Variants in DPP10 observed in about 807,000 individuals in gnomAD.
The protein encoded by DPP10 is dipeptidyl peptidase like 10.
In DPP10, 33 loss-of-function variants were observed where a neutral mutation model predicts 120.9. That is an observed-to-expected ratio of 0.27 (90% confidence interval 0.21 to 0.37). The LOEUF (loss-of-function observed/expected upper bound fraction) is 0.37, where lower values mean the gene tolerates loss of function less well. Among genes scored for constraint, DPP10 ranks in the 10% least tolerant of loss-of-function variants. The pLI is 1.00. For missense variants in DPP10, 816 were observed against 942.8 expected (o/e 0.87, Z 1.76); for synonymous variants, 337 against 326.1 (o/e 1.03, Z -0.36).
chr2:114,489,160 T>A (rs146764791), intron 1 of DPP10, among the ~76,000 whole-genome samples: 1 of 152,340 alleles, frequency 6.6e-6, no homozygotes, highest in East Asian at 1.9e-4. Flanking sequence ...CATGCCCGGA[T>A]CCCTTATGTA....
At chr2:115,522,801 G>T (rs916275994) in intron 4 of DPP10, among the ~76,000 whole-genome samples, 2 of 152,042 alleles carry the variant, frequency 1.3e-5, no homozygotes, top group African/African-American at 2.4e-5. Flanking sequence ...AAATATGAAG[G>T]TACTGTAATA....
intron 1 of DPP10, among the ~76,000 whole-genome samples, chr2:114,841,204 TA>T (rs1688130820): frequency 6.6e-6 from 1 of 152,192 alleles, no homozygotes; most frequent in Non-Finnish European, 1.5e-5. Flanking sequence ...GTCGTATGAC[TA>T]AATTAAAGTC....
chr2:115,589,556 C>G (rs1295920495), intron 5 of DPP10, among the ~76,000 whole-genome samples: 1 of 152,018 alleles, frequency 6.6e-6, no homozygotes, highest in East Asian at 1.9e-4. Context: ...CAATTTAAAT[C>G]TGGAAGAGCA....
intron 7 of DPP10, among the ~76,000 whole-genome samples, chr2:115,722,840 C>A (rs1484598302): frequency 6.6e-6 from 1 of 152,060 alleles, no homozygotes; most frequent in East Asian, 1.9e-4. Context: ...CTCTAGTGGT[C>A]CAGATAGAAG....
chr2:115,603,541 G>T lies in DPP10; in HGVS notation c.441+77569G>T, dbSNP rs1360906205. ...GCTGGAACTTGGCCTCTCCACTACTGTGTGTTTTCGTTGTTGTTGTTTTTT... is the reference window on the plus strand; with the variant it reads ...GCTGGAACTTGGCCTCTCCACTACTTTGTGTTTTCGTTGTTGTTGTTTTTT... On this transcript the variant is annotated intron_variant, in intron 5 of 25. Transcript: ENST00000410059. 2.9e-5 allele frequency among the ~76,000 whole-genome samples: 4 copies of T among 137,908 alleles called. No individual in the cohort carries two copies. In the Admixed American group the frequency reaches 3.0e-4, roughly 10 times the overall value. The allele number at this position is 137,908 out of a possible 152,430, so 90.5% of individuals were successfully genotyped here. A position where few individuals can be genotyped will look rare whatever the true frequency, so the allele number is the denominator to read the frequency against.
chr2:114,740,581 C>T (rs1479034677), intron 1 of DPP10, among the ~76,000 whole-genome samples: 1 of 152,154 alleles, frequency 6.6e-6, no homozygotes, highest in Non-Finnish European at 1.5e-5. Flanking sequence ...TATCTTGTTT[C>T]TATCCTTCGT....
At chr2:115,016,785 T>C (rs1019077091) in intron 1 of DPP10, among the ~76,000 whole-genome samples, 2 of 152,070 alleles carry the variant, frequency 1.3e-5, no homozygotes, top group African/African-American at 4.8e-5. Flanking sequence ...CTATTCACGA[T>C]GGCAAAGACT....
chr2:115,664,385 C>G (rs1301057236), intron 5 of DPP10, among the ~76,000 whole-genome samples: 1 of 151,934 alleles, frequency 6.6e-6, no homozygotes, highest in Non-Finnish European at 1.5e-5. Context: ...TCTGGAAAAT[C>G]TAAGTATGGA....
chr2:115,038,282 A>AT (rs1291730827), intron 1 of DPP10, among the ~76,000 whole-genome samples: 1 of 150,898 alleles, frequency 6.6e-6, no homozygotes, highest in East Asian at 1.9e-4. Context: ...TTATTTATTT[A>AT]TTTTTTGAGA....
chr2:115,692,228 G>A (rs2091357764), intron 7 of DPP10, among the ~76,000 whole-genome samples: 2 of 151,310 alleles, frequency 1.3e-5, no homozygotes, highest in Non-Finnish European at 3.0e-5. Flanking sequence ...TTTTTAGTTA[G>A]TTTTAGTTAG....
intron 3 of DPP10, among the ~76,000 whole-genome samples, chr2:115,454,622 G>A (rs1251118252): frequency 6.6e-6 from 1 of 151,690 alleles, no homozygotes; most frequent in African/African-American, 2.4e-5. Context: ...AATACTTAAT[G>A]GTAGAGAATG....
At chr2:115,606,253 C>A (rs1210417154) in intron 5 of DPP10, among the ~76,000 whole-genome samples, 5 of 152,054 alleles carry the variant, frequency 3.3e-5, no homozygotes, top group African/African-American at 1.2e-4. Flanking sequence ...TTCTTAAAAT[C>A]CTGCAGGGCA....
At chr2:115,825,364 G>A (rs554653316) in intron 21 of DPP10, among the ~76,000 whole-genome samples, 7 of 152,098 alleles carry the variant, frequency 4.6e-5, no homozygotes, top group Non-Finnish European at 1.0e-4. Flanking sequence ...ATTCCCTCCT[G>A]TGTACTCATA....
At chr2:115,292,307 A>G (rs911387531) in intron 1 of DPP10, among the ~76,000 whole-genome samples, 2 of 152,152 alleles carry the variant, frequency 1.3e-5, no homozygotes, top group African/African-American at 2.4e-5. Context: ...TTTATAATGC[A>G]TAGTCTAAAC....
chr2:115,151,204 A>C (rs1215903805), intron 1 of DPP10, among the ~76,000 whole-genome samples: 1 of 152,090 alleles, frequency 6.6e-6, no homozygotes, highest in East Asian at 1.9e-4. Context: ...CTCTAAGATA[A>C]AGTGTTACTG....
intron 1 of DPP10, among the ~76,000 whole-genome samples, chr2:115,179,348 G>A (rs1037867669): frequency 6.6e-6 from 1 of 152,008 alleles, no homozygotes; most frequent in African/African-American, 2.4e-5. Flanking sequence ...ACATAATCCC[G>A]CATTATTAAA....
chr2:115,478,100 C>G (rs564890547), intron 3 of DPP10, among the ~76,000 whole-genome samples: 1 of 152,114 alleles, frequency 6.6e-6, no homozygotes, highest in Non-Finnish European at 1.5e-5. Flanking sequence ...GATCCAGCCC[C>G]GCAATCTAGT....
At chr2:115,119,627 T>C (rs2049716940) in intron 1 of DPP10, among the ~76,000 whole-genome samples, 1 of 152,134 alleles carries the variant, frequency 6.6e-6, no homozygotes, top group Non-Finnish European at 1.5e-5. Context: ...GAAAAGTGGC[T>C]CCATGGGTTG....
chr2:114,528,095 C>A (rs1685654489), intron 1 of DPP10, among the ~76,000 whole-genome samples: 1 of 152,062 alleles, frequency 6.6e-6, no homozygotes, highest in African/African-American at 2.4e-5. Flanking sequence ...AGAGGAGGAA[C>A]ACCTTCAGCA....
Sources: gnomAD v4.1 joint callset for allele counts (sites outside exome capture counted in the v4.1 genomes callset) on GRCh38, gnomAD v4.1.1 for gene constraint, MANE v1.5 for transcripts, NCBI Gene and HGNC (gene_info 2026-07-23, HGNC 2026-07-21) for gene names.